Variants in IQSEC1 observed in about 807,000 individuals in gnomAD.
The protein encoded by IQSEC1 is IQ motif and SEC7 domain-containing protein 1.
A neutral mutation model predicts 91.0 loss-of-function variants in IQSEC1; 31 were observed. The ratio of observed to expected loss-of-function variants is 0.34; its 90% confidence interval spans 0.26 to 0.46. The LOEUF (loss-of-function observed/expected upper bound fraction) is 0.46, where lower values mean the gene tolerates loss of function less well. Ranked by LOEUF, IQSEC1 falls within the 20% of genes least tolerant of loss-of-function variation. The pLI is 1.00. For synonymous variants in IQSEC1, 699 were observed against 662.6 expected (o/e 1.05, Z -0.84); for missense variants, 1,388 against 1,575.6 (o/e 0.88, Z 2.02).
chr3:13,104,872 T>A (rs1364759732), intron 2 of IQSEC1, among the ~76,000 whole-genome samples: 4 of 152,194 alleles, frequency 2.6e-5, no homozygotes, highest in Non-Finnish European at 5.9e-5. Context: ...AGGACCAGGA[T>A]GAAGATCATG....
At chr3:13,245,775 A>AAG (rs1695098727) in intron 1 of IQSEC1, among the ~76,000 whole-genome samples, 1 of 151,960 alleles carries the variant, frequency 6.6e-6, no homozygotes, top group African/African-American at 2.4e-5. Context: ...TCAAAAAAAA[A>AAG]AAAAAAAGAA....
At chr3:13,026,345 C>A (rs559458239) in intron 1 of IQSEC1, among the ~76,000 whole-genome samples, 1 of 152,238 alleles carries the variant, frequency 6.6e-6, no homozygotes, top group Non-Finnish European at 1.5e-5. Context: ...AGCCCCATCA[C>A]GGGCCACACT....
At chr3:13,177,231 A>G (rs1693748497) in intron 1 of IQSEC1, among the ~76,000 whole-genome samples, 2 of 152,260 alleles carry the variant, frequency 1.3e-5, no homozygotes, top group Non-Finnish European at 2.9e-5. Flanking sequence ...CTCTTAAAAC[A>G]ACAAAATGGA....
Position 12,924,818 on chromosome 3 carries a change from A to G in IQSEC1, c.1569-76T>C, listed in dbSNP as rs1696970577. ...AGGCACCTGGAGGGGATCTCCGCTCAGTGGACGGTCGACATTCTCCCTCCC... is the reference window on the plus strand; with the variant it reads ...AGGCACCTGGAGGGGATCTCCGCTCGGTGGACGGTCGACATTCTCCCTCCC... On this transcript the variant is annotated intron_variant, in intron 3 of 13. Coordinates refer to ENST00000613206, the MANE Select transcript of IQSEC1 (RefSeq NM_001134382.3). This position sits in a 1 kb window ranked among gnomAD's most constrained non-coding sequence, Gnocchi z 6.3. 5.8e-6 allele frequency: 8 copies of G among 1,387,512 alleles called. No homozygotes were observed. Among genetic ancestry groups the G allele is most frequent in the Non-Finnish European group, 7.8e-6 (8 of 1,026,948 alleles). 86.0% of individuals were successfully genotyped at this position (1,387,512 alleles called of 1,614,324 possible). A position where few individuals can be genotyped will look rare whatever the true frequency, so the allele number is the denominator to read the frequency against.
At chr3:13,026,208 A>G (rs534013577) in intron 1 of IQSEC1, among the ~76,000 whole-genome samples, 1 of 152,280 alleles carries the variant, frequency 6.6e-6, no homozygotes, top group South Asian at 2.1e-4. Flanking sequence ...GTTTGCACCC[A>G]GGTCTCTCTC....
At chr3:13,159,747 C>G (rs553026619) in intron 2 of IQSEC1, among the ~76,000 whole-genome samples, 1 of 152,286 alleles carries the variant, frequency 6.6e-6, no homozygotes, top group South Asian at 2.1e-4. Context: ...ATTCCTATGA[C>G]TGAATGTAGC....
At chr3:12,905,196 G>C (rs966248883) in intron 12 of IQSEC1, among the ~76,000 whole-genome samples, 1 of 152,242 alleles carries the variant, frequency 6.6e-6, no homozygotes, top group African/African-American at 2.4e-5. Flanking sequence ...CACACGTGCT[G>C]ATCAGGCCAA....
intron 2 of IQSEC1, among the ~76,000 whole-genome samples, chr3:13,117,228 T>G (rs1411890169): frequency 7.4e-6 from 1 of 135,962 alleles, no homozygotes; most frequent in Non-Finnish European, 1.6e-5. Flanking sequence ...ATGTTCAACA[T>G]CACCAGTCAT....
At position 12,908,231 on chromosome 3, in the gene IQSEC1, A is replaced by G. The variant is rs1245197068; in HGVS notation, c.2755+118T>C. 1 of 1,070,392 alleles carries G rather than the reference A, an allele frequency of 9.3e-7. No homozygotes were observed. The highest frequency in any genetic ancestry group is 1.3e-6 in the Non-Finnish European group (1 of 748,898). 66.3% of individuals were successfully genotyped at this position (1,070,392 alleles called of 1,614,324 possible). A position where few individuals can be genotyped will look rare whatever the true frequency, so the allele number is the denominator to read the frequency against. ...TCTGCTTTGCGGAAGGTCAGGGGAA[A>G]TGCCGCACTGGCTTCGCCGCAGGCC... On this transcript the variant is annotated intron_variant, in intron 12 of 13. Coordinates refer to ENST00000613206, the MANE Select transcript of IQSEC1 (RefSeq NM_001134382.3). This position sits in a 1 kb window ranked among gnomAD's most constrained non-coding sequence, Gnocchi z 4.9.
intron 2 of IQSEC1, among the ~76,000 whole-genome samples, chr3:13,111,512 C>T (rs1241727906): frequency 6.6e-6 from 1 of 152,226 alleles, no homozygotes; most frequent in Non-Finnish European, 1.5e-5. Context: ...TGCGGGTAAG[C>T]ACCTGACCCC....
chr3:13,236,721 G>C (rs1694935823), intron 1 of IQSEC1, among the ~76,000 whole-genome samples: 1 of 152,258 alleles, frequency 6.6e-6, no homozygotes, highest in Non-Finnish European at 1.5e-5. Flanking sequence ...CTGTGCTAGG[G>C]CTGGGACACA....
At chr3:13,038,919 C>T (rs1704147644) in intron 1 of IQSEC1, among the ~76,000 whole-genome samples, 1 of 152,138 alleles carries the variant, frequency 6.6e-6, no homozygotes, top group South Asian at 2.1e-4. Context: ...AAAAAATGTG[C>T]ATGGGAAATC....
chr3:13,098,510 A>G (rs1460913396), intron 2 of IQSEC1, among the ~76,000 whole-genome samples: 1 of 152,170 alleles, frequency 6.6e-6, no homozygotes, highest in Non-Finnish European at 1.5e-5. Flanking sequence ...GGTCAAGAGG[A>G]GGGTGAGGGT....
intron 1 of IQSEC1, among the ~76,000 whole-genome samples, chr3:12,946,059 C>A (rs1245986230): frequency 6.6e-6 from 1 of 152,224 alleles, no homozygotes; most frequent in African/African-American, 2.4e-5. Flanking sequence ...GTCAACCTTT[C>A]CCTTTCTAGG....
chr3:13,229,545 C>T lies in IQSEC1; in HGVS notation c.272+53166G>A, dbSNP rs1694809463. Among the ~76,000 whole-genome samples, 4 of 152,186 alleles carry T rather than the reference C, an allele frequency of 2.6e-5. No individual in the cohort carries two copies. In the South Asian group the frequency reaches 8.3e-4, roughly 32 times the overall value. On this transcript the variant is annotated intron_variant, in intron 1 of 15. Transcript: ENST00000648114. ...GACTGACTGTCACACGAGTGCATTA[C>T]AGACAAATGCAGGGGAAATGTGGTG...
chr3:13,276,877 G>A (rs984844228), intron 1 of IQSEC1, among the ~76,000 whole-genome samples: 13 of 152,122 alleles, frequency 8.5e-5, no homozygotes, highest in Admixed American at 5.9e-4. Flanking sequence ...GGTCTGCCCT[G>A]GGTGGGGGCA....
intron 1 of IQSEC1, among the ~76,000 whole-genome samples, chr3:13,237,628 G>A (rs1694954998): frequency 6.6e-6 from 1 of 152,220 alleles, no homozygotes; most frequent in African/African-American, 2.4e-5. Flanking sequence ...AGGCTGCAAG[G>A]CAGGACTCCA....
rs1274544864 is a variant in IQSEC1, at chr3:12,994,102, G to T, written c.24-52237C>A. ...CTACCTCGCGGGTCCGCCCGCAGCC[G>T]CCGAGAGCGCGCCGTCCCCGCGGCC... On this transcript the variant is annotated intron_variant, in intron 1 of 13. Transcript: ENST00000613206. This position sits in a 1 kb window ranked among gnomAD's most constrained non-coding sequence, Gnocchi z 4.5. Among the ~76,000 whole-genome samples, 3 of 146,204 alleles carry T rather than the reference G, an allele frequency of 2.1e-5. No individual in the cohort carries two copies. Among genetic ancestry groups the T allele is most frequent in the South Asian group, 4.2e-4 (2 of 4,812 alleles).
Position 12,996,678 on chromosome 3 carries a change from G to C in IQSEC1, c.24-54813C>G, listed in dbSNP as rs556460204. On this transcript the variant is annotated intron_variant, in intron 1 of 13. Coordinates refer to ENST00000613206, the MANE Select transcript of IQSEC1 (RefSeq NM_001134382.3). Reference sequence around the variant, plus strand: ...TTTAATTGAGGAAAATGCAATGAAAGTTAATTTCTCTAATACATAAACAGG... The same window carrying C: ...TTTAATTGAGGAAAATGCAATGAAACTTAATTTCTCTAATACATAAACAGG... 7.9e-5 allele frequency among the ~76,000 whole-genome samples: 12 copies of C among 152,320 alleles called. No homozygotes were observed. In the South Asian group the frequency reaches 2.1e-3, roughly 26 times the overall value.
Sources: gnomAD v4.1 joint callset for allele counts (sites outside exome capture counted in the v4.1 genomes callset) on GRCh38, gnomAD v4.1.1 for gene constraint, Gnocchi (gnomAD v3.1) non-coding constraint, MANE v1.5 for transcripts, NCBI Gene and HGNC (gene_info 2026-07-23, HGNC 2026-07-21) for gene names.